The following ZNF365 variants were observed in gnomAD, a reference collection of about 807,000 sequenced individuals.
ZNF365 encodes the protein protein ZNF365.
In ZNF365, 22 loss-of-function variants were observed where a neutral mutation model predicts 35.0. The ratio of observed to expected loss-of-function variants is 0.63; its 90% CI spans 0.45 to 0.90. The LOEUF (loss-of-function observed/expected upper bound fraction) is 0.90. Ranked by LOEUF, ZNF365 falls within the 40% of genes least tolerant of loss-of-function variation. ZNF365 has a pLI of 0.00. For missense variants in ZNF365, 448 were observed against 500.3 expected (o/e 0.90, Z 1.00); for synonymous variants, 188 against 196.2 (o/e 0.96, Z 0.35).
At chr10:62,388,701 C>A in intron 3 of ZNF365, 125 bp downstream of exon 3, 1 of 1,146,600 alleles carries the variant, frequency 8.7e-7, no homozygotes, top group Non-Finnish European at 1.2e-6. Flanking sequence ...AGAGCACTGC[C>A]TGGGCCATGC....
intron 2 of ZNF365, among the ~76,000 whole-genome samples, chr10:62,384,796 T>TA (rs1299772461): frequency 6.6e-6 from 1 of 152,252 alleles, no homozygotes; most frequent in African/African-American, 2.4e-5. Flanking sequence ...TGTACTTTCT[T>TA]ACGTTGAAAT....
intron 2 of ZNF365, among the ~76,000 whole-genome samples, chr10:62,385,312 A>G (rs748337175): frequency 3.2e-4 from 48 of 152,312 alleles, no homozygotes; most frequent in Admixed American, 3.3e-4. Context: ...TAGAAAAAAG[A>G]TCCTTCTTTT....
intron 3 of ZNF365, among the ~76,000 whole-genome samples, chr10:62,415,971 T>C (rs12264590): frequency 0.025 from 3,786 of 152,304 alleles, 130 homozygotes; most frequent in African/African-American, 0.077. Context: ...TTAATCTATA[T>C]TTTATTCCGT....
At chr10:62,411,170 T>A (rs1238371140) in intron 3 of ZNF365, among the ~76,000 whole-genome samples, 1 of 152,224 alleles carries the variant, frequency 6.6e-6, no homozygotes, top group African/African-American at 2.4e-5. Flanking sequence ...TTGTGGACTC[T>A]GGATGTTAGA....
At position 62,389,818 on chromosome 10, in the gene ZNF365, A is replaced by G. The variant is rs111263247; in HGVS notation, c.924+1242A>G. ...AAGAGACTGGAAGGAAGTGTGTTAC[A>G]TCTGTGAGGTTTCAGGTGCTATATT... is the stretch of plus-strand genomic sequence containing the variant. On this transcript the variant is annotated intron_variant, in intron 3 of 4. Transcript: ENST00000395254. Among the ~76,000 whole-genome samples the G allele has an allele frequency of 5.8e-3, 882 of 152,354 alleles. 10 individuals are homozygous for G. The highest frequency in any genetic ancestry group is 9.8e-3 in the Admixed American group (150 of 15,298).
At chr10:62,423,978 C>G (rs1386447786) in intron 3 of ZNF365, among the ~76,000 whole-genome samples, 1 of 151,966 alleles carries the variant, frequency 6.6e-6, no homozygotes, top group Non-Finnish European at 1.5e-5. Context: ...TTTTGAGACA[C>G]TGATGGAAGG....
chr10:62,458,003 T>C (rs1840787733), intron 3 of ZNF365, among the ~76,000 whole-genome samples: 1 of 152,248 alleles, frequency 6.6e-6, no homozygotes, highest in African/African-American at 2.4e-5. Flanking sequence ...CATCTTATTT[T>C]CTTAATAGAT....
intron 2 of ZNF365, among the ~76,000 whole-genome samples, chr10:62,379,213 G>A (rs769750513): frequency 5.3e-5 from 8 of 151,878 alleles, no homozygotes; most frequent in Non-Finnish European, 7.4e-5. Context: ...TAGTAGAGAC[G>A]GGGTTTCGCC....
intron 3 of ZNF365, among the ~76,000 whole-genome samples, chr10:62,442,399 T>C (rs1042936803): frequency 1.3e-5 from 2 of 152,192 alleles, no homozygotes; most frequent in African/African-American, 4.8e-5. Flanking sequence ...ACAGATGAGA[T>C]GAGCAATCAA....
chr10:62,401,003 A>T lies in ZNF365; in HGVS notation c.*1214A>T. ...GCTGTTAAGAATTTCCTGCTGTATG[A>T]TTTTCCTCAAGAATGAATTTCCATG... On this transcript the variant is annotated 3_prime_UTR_variant, in exon 5 of 5. Transcript: ENST00000395254. 1 of 985,414 alleles carries T rather than the reference A, an allele frequency of 1.0e-6. No homozygotes were observed. Among genetic ancestry groups the T allele is most frequent in the South Asian group, 4.7e-5 (1 of 21,284 alleles). 61.0% of individuals were successfully genotyped at this position (985,414 alleles called of 1,614,324 possible). A position where few individuals can be genotyped will look rare whatever the true frequency, so the allele number is the denominator to read the frequency against.
chr10:62,455,709 C>T (rs956219938), intron 3 of ZNF365, among the ~76,000 whole-genome samples: 13 of 152,056 alleles, frequency 8.5e-5, no homozygotes, highest in Non-Finnish European at 2.9e-5. Flanking sequence ...ATGTTTACCA[C>T]ATGCTGGGCA....
At chr10:62,420,949 GT>G (rs1208259084) in intron 3 of ZNF365, among the ~76,000 whole-genome samples, 2 of 147,990 alleles carry the variant, frequency 1.4e-5, no homozygotes, top group Non-Finnish European at 3.0e-5. Flanking sequence ...CACCCGGCTA[GT>G]TTTTTATATT....
rs370666645 is a variant in ZNF365, at chr10:62,396,334, G to A, written c.925-2406G>A. On this transcript the variant is annotated intron_variant, in intron 3 of 4. Coordinates refer to ENST00000395254, the MANE Select transcript of ZNF365 (RefSeq NM_014951.3). ...CTAACTTGGATTTGAAGCCCAGCCCGAACACTGGTAAAGCACCGAGGCTTC... is the reference window on the plus strand; with the variant it reads ...CTAACTTGGATTTGAAGCCCAGCCCAAACACTGGTAAAGCACCGAGGCTTC... Among the ~76,000 whole-genome samples the A allele has an allele frequency of 3.5e-4, 53 of 152,292 alleles. No homozygotes were observed. The East Asian group carries it at 4.2e-3, about 12-fold the overall frequency.
chr10:62,414,553 A>G (rs1162072677), intron 3 of ZNF365, among the ~76,000 whole-genome samples: 1 of 151,786 alleles, frequency 6.6e-6, no homozygotes, highest in African/African-American at 2.4e-5. Context: ...TTTCTGAAAT[A>G]CTCTGCCAAT....
At chr10:62,420,856 C>T (rs1740351069) in intron 3 of ZNF365, among the ~76,000 whole-genome samples, 2 of 151,974 alleles carry the variant, frequency 1.3e-5, no homozygotes, top group Middle Eastern at 3.4e-3. Context: ...CATGCCAGCT[C>T]ACTGCAACCT....
chr10:62,429,803 G>A (rs1464549241), intron 3 of ZNF365, among the ~76,000 whole-genome samples: 1 of 152,166 alleles, frequency 6.6e-6, no homozygotes, highest in Admixed American at 6.6e-5. Context: ...GAAGCTAGAT[G>A]TTTTGCCTAC....
chr10:62,429,138 A>G (rs115416122), intron 3 of ZNF365, among the ~76,000 whole-genome samples: 2 of 152,306 alleles, frequency 1.3e-5, no homozygotes, highest in African/African-American at 2.4e-5. Flanking sequence ...TTAGTTCTCC[A>G]TGGGAGCTTC....
At chr10:62,432,744 G>A (rs1243939504) in intron 3 of ZNF365, among the ~76,000 whole-genome samples, 1 of 152,162 alleles carries the variant, frequency 6.6e-6, no homozygotes, top group African/African-American at 2.4e-5. Context: ...AATGACAGAA[G>A]ACGGGCAATT....
At chr10:62,479,177 C>T (rs1289665943) in intron 4 of ZNF365, among the ~76,000 whole-genome samples, 1 of 152,164 alleles carries the variant, frequency 6.6e-6, no homozygotes, top group African/African-American at 2.4e-5. Flanking sequence ...TGCAGAAATT[C>T]CTTGATTTGA....
Sources: allele counts gnomAD v4.1 joint callset (sites outside exome capture counted in the v4.1 genomes callset), GRCh38; gene constraint gnomAD v4.1.1; transcripts MANE v1.5; gene names NCBI Gene and HGNC (gene_info 2026-07-23, HGNC 2026-07-21).